ATP13A4: variants seen among roughly 807,000 people sequenced by gnomAD.
ATP13A4 encodes probable cation-transporting ATPase 13A4.
Under a neutral mutation model 142.5 loss-of-function variants are expected in ATP13A4, and 114 were observed. The observed-to-expected ratio is 0.80, with a 90% CI of 0.69 to 0.93. ATP13A4 has a LOEUF of 0.93. Among genes scored for constraint, ATP13A4 ranks in the 40% least tolerant of loss-of-function variants. ATP13A4 has a pLI of 0.00. For missense variants in ATP13A4, 1,392 were observed against 1,454.0 expected (o/e 0.96, Z 0.69); for synonymous variants, 488 against 514.8 (o/e 0.95, Z 0.70).
chr3:193,414,039 G>C (rs1470719268), intron 26 of ATP13A4, among the ~76,000 whole-genome samples: 3 of 152,208 alleles, frequency 2.0e-5, no homozygotes, highest in East Asian at 1.9e-4. Flanking sequence ...CACCACGGAG[G>C]CCCAACTGCA....
rs1714184774 is a variant in ATP13A4, at chr3:193,399,149, T to C, written c.*3503A>G. Among the ~76,000 whole-genome samples, 1 of 152,172 alleles carries C rather than the reference T, an allele frequency of 6.6e-6. No individual in the cohort carries two copies. The highest frequency in any genetic ancestry group is 2.4e-5 in the African/African-American group (1 of 41,440). ...GCCCAGAGTCACGGTTCTCTGTGGG[T>C]AAGAGCTAGATGCCTTGAGATGAAC... is the stretch of plus-strand genomic sequence containing the variant. On this transcript the variant is annotated 3_prime_UTR_variant, in exon 30 of 30. Transcript: ENST00000342695.
upstream of ATP13A4, among the ~76,000 whole-genome samples, chr3:193,555,788 A>G (rs191512790): frequency 2.0e-5 from 3 of 152,324 alleles, no homozygotes; most frequent in Admixed American, 2.0e-4. Context: ...AGAAGTCCCA[A>G]TGTGGTGTAG....
At chr3:193,425,538 G>C (rs1340639326) in intron 25 of ATP13A4, among the ~76,000 whole-genome samples, 1 of 151,684 alleles carries the variant, frequency 6.6e-6, no homozygotes, top group Non-Finnish European at 1.5e-5. Flanking sequence ...AAAAAAACAA[G>C]GAAATCTTGT....
chr3:193,399,866 A>C lies in ATP13A4; in HGVS notation c.*2786T>G, dbSNP rs184443646. 0.069 allele frequency among the ~76,000 whole-genome samples: 10,383 copies of C among 149,814 alleles called. 448 individuals are homozygous for C. Among genetic ancestry groups the C allele is most frequent in the Middle Eastern group, 0.1 (29 of 290 alleles). ...ATCTCAAAAAAAAAAAAAAAAAAAA[A>C]AGGTTCACATCACAGCATAAGACTG... is the stretch of plus-strand genomic sequence containing the variant. On this transcript the variant is annotated 3_prime_UTR_variant, in exon 30 of 30. Coordinates refer to ENST00000342695, the MANE Select transcript of ATP13A4 (RefSeq NM_032279.4).
intron 7 of ATP13A4, among the ~76,000 whole-genome samples, chr3:193,484,516 T>C (rs1314934535): frequency 6.6e-6 from 1 of 152,172 alleles, no homozygotes; most frequent in Admixed American, 6.5e-5. Context: ...ACCTTCTACT[T>C]GATTCTGGGG....
rs147173408 is a variant in ATP13A4, at chr3:193,519,626, A to ATTTTTTT, written c.61-4762_61-4756dup. Among the ~76,000 whole-genome samples, 289 of 69,032 alleles carry ATTTTTTT rather than the reference A, an allele frequency of 4.2e-3. 12 individuals carry two copies. Among genetic ancestry groups the ATTTTTTT allele is most frequent in the East Asian group, 0.011 (23 of 2,096 alleles). The allele number at this position is 69,032 out of a possible 152,430, so 45.3% of individuals were successfully genotyped here. A position where few individuals can be genotyped will look rare whatever the true frequency, so the allele number is the denominator to read the frequency against. ...GAATTTTCACAATTTGCAATTTGTA[A>ATTTTTTT]TTTTTTTTTTTTTTTTTTTTTTTTT... On this transcript the variant is annotated intron_variant, in intron 1 of 29. Coordinates refer to ENST00000342695, the MANE Select transcript of ATP13A4 (RefSeq NM_032279.4).
At position 193,462,842 on chromosome 3, in the gene ATP13A4, T is replaced by G; in HGVS notation, c.1462-19A>C. 1 of 1,612,386 alleles carries G rather than the reference T, an allele frequency of 6.2e-7. No homozygotes were observed. Among genetic ancestry groups the G allele is most frequent in the South Asian group, 1.1e-5 (1 of 90,994 alleles). On this transcript the variant is annotated intron_variant, in intron 12 of 29. Coordinates refer to ENST00000342695, the MANE Select transcript of ATP13A4 (RefSeq NM_032279.4). ...TGCCTGTCTAAACAGAAACAAATGC[T>G]CCATTTACTCTGAAGATCCAGGCAA... is the stretch of plus-strand genomic sequence containing the variant.
chr3:193,586,945 T>C (rs574737390), intron 1 of ATP13A4, among the ~76,000 whole-genome samples: 1 of 152,358 alleles, frequency 6.6e-6, no homozygotes, highest in South Asian at 2.1e-4. Flanking sequence ...TTAACAATAC[T>C]GAGTCTTCTA....
At chr3:193,547,512 T>G (rs749419795) in intron 1 of ATP13A4, among the ~76,000 whole-genome samples, 8 of 152,240 alleles carry the variant, frequency 5.3e-5, no homozygotes, top group Non-Finnish European at 1.0e-4. Context: ...GGATACTCAT[T>G]AGAATGCCTT....
chr3:193,413,949 C>T (rs997338984), intron 26 of ATP13A4, among the ~76,000 whole-genome samples: 1 of 152,176 alleles, frequency 6.6e-6, no homozygotes, highest in South Asian at 2.1e-4. Context: ...CATACACCCC[C>T]TCCCCTTTTG....
chr3:193,508,139 G>A (rs890928221), intron 2 of ATP13A4, among the ~76,000 whole-genome samples: 2 of 152,170 alleles, frequency 1.3e-5, no homozygotes, highest in African/African-American at 2.4e-5. Context: ...CTTCAAGCCA[G>A]GAAGAGAGGC....
chr3:193,517,506 A>T (rs955376092), intron 1 of ATP13A4, among the ~76,000 whole-genome samples: 2 of 152,092 alleles, frequency 1.3e-5, no homozygotes, highest in Admixed American at 1.3e-4. Flanking sequence ...TTTGAGACGG[A>T]GTTTCGCTCT....
chr3:193,438,648 A>G, intron 22 of ATP13A4, 64 bp from the exon 23 acceptor site: 2 of 1,397,326 alleles, frequency 1.4e-6, no homozygotes, highest in Non-Finnish European at 2.0e-6. Context: ...AAAGCCTCAT[A>G]AGAAAAGGCC....
rs190682124 is a variant in ATP13A4, at chr3:193,541,204, G to C, written c.60+13536C>G. ...GCGGAGCTTGCAGTGAGCCGAGATCGAGCCACTGCACTCCAGCCTGGGCGA... is the reference window on the plus strand; with the variant it reads ...GCGGAGCTTGCAGTGAGCCGAGATCCAGCCACTGCACTCCAGCCTGGGCGA... On this transcript the variant is annotated intron_variant, in intron 1 of 29. Transcript: ENST00000342695. Among the ~76,000 whole-genome samples the C allele has an allele frequency of 7.9e-3, 1,087 of 137,956 alleles. 8 individuals are homozygous for C. Among genetic ancestry groups the C allele is most frequent in the African/African-American group, 0.027 (1,011 of 37,304 alleles). 90.5% of individuals were successfully genotyped at this position (137,956 alleles called of 152,430 possible).
intron 25 of ATP13A4, among the ~76,000 whole-genome samples, chr3:193,429,676 A>G (rs537032421): frequency 6.6e-6 from 1 of 152,090 alleles, no homozygotes; most frequent in African/African-American, 2.4e-5. Flanking sequence ...TGAGGTGATG[A>G]AAAACTTTTG....
At chr3:193,544,907 C>G (rs1723138405) in intron 1 of ATP13A4, among the ~76,000 whole-genome samples, 1 of 151,938 alleles carries the variant, frequency 6.6e-6, no homozygotes, top group Non-Finnish European at 1.5e-5. Context: ...TTTTTTGCTT[C>G]TTAGATGCCA....
rs1718185447 is a variant in ATP13A4 at position 193,465,053 on chromosome 3, GAGC to G, written c.1345_1347del (p.Ala449del). 1 of 1,614,036 alleles carries G rather than the reference GAGC, an allele frequency of 6.2e-7. No homozygotes were observed. Among genetic ancestry groups the G allele is most frequent in the African/African-American group, 1.3e-5 (1 of 74,918 alleles). On this transcript the variant is annotated inframe_deletion, in exon 12 of 30. Coordinates refer to ENST00000342695, the MANE Select transcript of ATP13A4 (RefSeq NM_032279.4). ...TGGGCATAGATAATGCCTGTGGTCA[GAGC>G]AGCAGGTAGAGCCGGAGGAACCGCA...
intron 17 of ATP13A4, among the ~76,000 whole-genome samples, chr3:193,449,248 A>T (rs1717133635): frequency 6.6e-6 from 1 of 152,240 alleles, no homozygotes; most frequent in African/African-American, 2.4e-5. Context: ...AACTGAGTGC[A>T]GGGAATACAT....
At chr3:193,509,779 G>T (rs1721045362) in intron 2 of ATP13A4, among the ~76,000 whole-genome samples, 1 of 152,214 alleles carries the variant, frequency 6.6e-6, no homozygotes, top group African/African-American at 2.4e-5. Context: ...GCTGAGGAAT[G>T]AGGAGAATTT....
Sources: gnomAD v4.1 joint callset for allele counts (sites outside exome capture counted in the v4.1 genomes callset) on GRCh38, gnomAD v4.1.1 for gene constraint, MANE v1.5 for transcripts, NCBI Gene and HGNC (gene_info 2026-07-23, HGNC 2026-07-21) for gene names.